Variants in CTNNA3 observed in about 807,000 individuals in gnomAD.
CTNNA3 encodes the protein catenin alpha 3, also known as catenin alpha-3.
A neutral mutation model predicts 95.7 loss-of-function variants in CTNNA3; 76 were observed. The observed-to-expected ratio is 0.79, with a 90% CI of 0.66 to 0.96. CTNNA3 has a LOEUF of 0.96. Among genes scored for constraint, CTNNA3 ranks in the 40% least tolerant of loss-of-function variants. CTNNA3 has a pLI of 0.00. For synonymous variants in CTNNA3, 431 were observed against 374.4 expected, an observed-to-expected ratio of 1.15 and a Z score of -1.74; for missense variants, 1,191 against 1,089.8, an observed-to-expected ratio of 1.09 and a Z score of -1.31.
At chr10:67,518,164 A>G (rs1839878200) in intron 5 of CTNNA3, among the ~76,000 whole-genome samples, 1 of 152,144 alleles carries the variant, frequency 6.6e-6, no homozygotes, top group Non-Finnish European at 1.5e-5. Flanking sequence ...GGTAACTACA[A>G]AGCTCACACT....
chr10:66,694,219 A>T (rs1847670223), intron 9 of CTNNA3, among the ~76,000 whole-genome samples: 1 of 152,132 alleles, frequency 6.6e-6, no homozygotes, highest in African/African-American at 2.4e-5. Context: ...CGCTAGCAAG[A>T]CTAATAAAGA....
chr10:66,111,744 C>T (rs568832322), intron 13 of CTNNA3, among the ~76,000 whole-genome samples: 9 of 152,188 alleles, frequency 5.9e-5, no homozygotes, highest in African/African-American at 2.2e-4. Flanking sequence ...TGTAAAGCAC[C>T]TGAGGAAAAA....
chr10:66,850,956 A>G (rs10822926), intron 7 of CTNNA3, among the ~76,000 whole-genome samples: 87,619 of 151,810 alleles, frequency 0.58, 26,314 homozygotes, highest in Non-Finnish European at 0.63. Context: ...CATTTCAGGG[A>G]TTTTAAATTA....
At chr10:66,923,332 T>C (rs768914598) in intron 7 of CTNNA3, among the ~76,000 whole-genome samples, 1 of 152,148 alleles carries the variant, frequency 6.6e-6, no homozygotes, top group Admixed American at 6.5e-5. Context: ...GGAAGTAAAG[T>C]ATGATGAGCA....
intron 7 of CTNNA3, among the ~76,000 whole-genome samples, chr10:66,848,581 C>T (rs1438722275): frequency 6.6e-6 from 1 of 152,160 alleles, no homozygotes; most frequent in Non-Finnish European, 1.5e-5. Context: ...GCTGTGAAAA[C>T]AAACACCAAA....
rs1051406443 is a variant in CTNNA3, at chr10:66,055,822, T to C, written c.2159+13486A>G. ...CTGTAATCCCAGTTACTCAGGAGGCTGAAGCAGGAGAATCGCTTGAACCTG... is the reference window on the plus strand; with the variant it reads ...CTGTAATCCCAGTTACTCAGGAGGCCGAAGCAGGAGAATCGCTTGAACCTG... On this transcript the variant is annotated intron_variant, in intron 15 of 17. Coordinates refer to ENST00000433211, the MANE Select transcript of CTNNA3 (RefSeq NM_013266.4). Among the ~76,000 whole-genome samples, 4 of 144,988 alleles carry C rather than the reference T, an allele frequency of 2.8e-5. No homozygotes were observed. In the South Asian group the frequency reaches 8.5e-4, roughly 31 times the overall value.
intron 7 of CTNNA3, among the ~76,000 whole-genome samples, chr10:66,898,030 T>C (rs1845570965): frequency 1.3e-5 from 2 of 152,184 alleles, no homozygotes; most frequent in Admixed American, 6.5e-5. Context: ...AGTGGAATCA[T>C]ATCAAAAGGA....
chr10:67,601,969 G>T (rs1168617481), intron 3 of CTNNA3, among the ~76,000 whole-genome samples: 2 of 152,066 alleles, frequency 1.3e-5, no homozygotes, highest in Non-Finnish European at 2.9e-5. Context: ...TAAAGCCACG[G>T]ATAGCAATAA....
intron 13 of CTNNA3, among the ~76,000 whole-genome samples, chr10:66,157,534 GATAGATA>G (rs1458133872): frequency 8.8e-6 from 1 of 113,178 alleles, no homozygotes; most frequent in Non-Finnish European, 2.0e-5. Context: ...TAGATAGATA[GATAGATA>G]ATCACACTTT....
intron 13 of CTNNA3, among the ~76,000 whole-genome samples, chr10:66,226,454 G>C (rs983731588): frequency 5.9e-5 from 9 of 151,962 alleles, no homozygotes; most frequent in Non-Finnish European, 1.3e-4. Context: ...GATTACTATA[G>C]ATTTGTAGTA....
At chr10:66,062,538 T>A (rs2080224479) in intron 15 of CTNNA3, among the ~76,000 whole-genome samples, 1 of 152,100 alleles carries the variant, frequency 6.6e-6, no homozygotes, top group South Asian at 2.1e-4. Context: ...CAGAAAAACA[T>A]TACGGTGTCT....
At chr10:66,227,973 T>C (rs1585600) in intron 13 of CTNNA3, among the ~76,000 whole-genome samples, 54,842 of 152,028 alleles carry the variant, frequency 0.36, 10,251 homozygotes, top group East Asian at 0.46. Flanking sequence ...TTGTTCACAA[T>C]ATTCTCTTGT....
At chr10:66,316,963 A>G (rs986999536) in intron 12 of CTNNA3, among the ~76,000 whole-genome samples, 1 of 152,132 alleles carries the variant, frequency 6.6e-6, no homozygotes, top group Non-Finnish European at 1.5e-5. Flanking sequence ...TAGCAGACTA[A>G]TTAGTGATCT....
At chr10:65,926,791 T>G (rs182771218) in intron 17 of CTNNA3, among the ~76,000 whole-genome samples, 89 of 151,542 alleles carry the variant, frequency 5.9e-4, no homozygotes, top group Admixed American at 2.2e-3. Context: ...TTCATCTACA[T>G]TTTTTTTCCC....
intron 11 of CTNNA3, among the ~76,000 whole-genome samples, chr10:66,431,760 G>C (rs2093298430): frequency 8.8e-6 from 1 of 113,746 alleles, no homozygotes; most frequent in Admixed American, 1.2e-4. Context: ...GGTGGGGGGA[G>C]GGGGGAGGGA....
chr10:67,374,042 G>T (rs1317434191), intron 5 of CTNNA3, among the ~76,000 whole-genome samples: 2 of 152,102 alleles, frequency 1.3e-5, no homozygotes, highest in Non-Finnish European at 2.9e-5. Flanking sequence ...CTTATTTTTT[G>T]ATAGAAGTGC....
chr10:67,727,279 AAC>A (rs1841240451), intron 1 of CTNNA3, among the ~76,000 whole-genome samples: 1 of 131,264 alleles, frequency 7.6e-6, no homozygotes, highest in Non-Finnish European at 1.6e-5. Context: ...TACCTTCCTC[AAC>A]AGTGACTAGA....
chr10:66,984,951 G>T (rs2132901341), intron 7 of CTNNA3, among the ~76,000 whole-genome samples: 1 of 152,052 alleles, frequency 6.6e-6, no homozygotes, highest in South Asian at 2.1e-4. Context: ...CACCTGCCTA[G>T]ATCCCACCCT....
chr10:66,521,192 A>G (rs1841056046), intron 10 of CTNNA3, among the ~76,000 whole-genome samples: 2 of 151,594 alleles, frequency 1.3e-5, no homozygotes, highest in African/African-American at 4.8e-5. Context: ...TATAAATTAT[A>G]TAGGTATAAA....
Sources: gnomAD v4.1 joint callset for allele counts (sites outside exome capture counted in the v4.1 genomes callset) on GRCh38, gnomAD v4.1.1 for gene constraint, MANE v1.5 for transcripts, NCBI Gene and HGNC (gene_info 2026-07-23, HGNC 2026-07-21) for gene names.